The following EIF4G3 variants were observed in gnomAD, a reference collection of about 807,000 sequenced individuals.
EIF4G3 encodes the protein eIF-4-gamma 3.
A neutral mutation model predicts 186.4 loss-of-function variants in EIF4G3; 34 were observed. The observed-to-expected ratio is 0.18, with a 90% CI of 0.14 to 0.24. The LOEUF (loss-of-function observed/expected upper bound fraction) is 0.24. Among genes scored for constraint, EIF4G3 ranks in the 10% least tolerant of loss-of-function variants. The pLI is 1.00. For missense variants in EIF4G3, 1,536 were observed against 1,948.5 expected (o/e 0.79, Z 3.99); for synonymous variants, 673 against 679.5 (o/e 0.99, Z 0.15).
chr1:20,841,275 G>GT (rs1474725149), intron 29 of EIF4G3: 2 of 285,596 alleles, frequency 7.0e-6, no homozygotes, highest in Non-Finnish European at 1.3e-5. Flanking sequence ...TATCTAGTAG[G>GT]TTTTCCAGTT....
intron 3 of EIF4G3, among the ~76,000 whole-genome samples, chr1:21,054,969 A>ATTT (rs1449103104): frequency 6.6e-6 from 1 of 152,150 alleles, no homozygotes; most frequent in Admixed American, 6.5e-5. Flanking sequence ...TTTGATTATG[A>ATTT]TTTTCTTGGG....
At chr1:20,906,995 A>C (rs2092298985) in intron 14 of EIF4G3, among the ~76,000 whole-genome samples, 1 of 152,158 alleles carries the variant, frequency 6.6e-6, no homozygotes, top group Admixed American at 6.6e-5. Context: ...GAGGGAAGAC[A>C]GAGAGTGACA....
intron 29 of EIF4G3, among the ~76,000 whole-genome samples, chr1:20,841,679 TTACTA>T (rs1178821218): frequency 6.6e-6 from 1 of 152,214 alleles, no homozygotes; most frequent in East Asian, 1.9e-4. Flanking sequence ...TAACTGGTGT[TTACTA>T]TAGAGTATCC....
chr1:21,044,698 A>C (rs2093780451), intron 4 of EIF4G3, among the ~76,000 whole-genome samples: 1 of 143,994 alleles, frequency 6.9e-6, no homozygotes, highest in East Asian at 2.0e-4. Flanking sequence ...CCCAGGCTGG[A>C]GTGTAATGGT....
intron 29 of EIF4G3, among the ~76,000 whole-genome samples, chr1:20,844,883 G>A (rs1450028989): frequency 6.6e-6 from 1 of 152,080 alleles, no homozygotes; most frequent in African/African-American, 2.4e-5. Context: ...TGTCGGATGT[G>A]TATATTGCAA....
At chr1:21,024,246 G>A (rs369546473) in intron 4 of EIF4G3, among the ~76,000 whole-genome samples, 6 of 145,962 alleles carry the variant, frequency 4.1e-5, no homozygotes, top group Non-Finnish European at 6.0e-5. Context: ...CCGGCCAGCC[G>A]CCCCGTCCGG....
At chr1:21,043,543 C>G (rs2093693016) in intron 4 of EIF4G3, among the ~76,000 whole-genome samples, 1 of 152,102 alleles carries the variant, frequency 6.6e-6, no homozygotes, top group Non-Finnish European at 1.5e-5. Context: ...TATAATCAAA[C>G]ATATAAAAGC....
At chr1:20,922,311 CT>C (rs1049198555) in intron 14 of EIF4G3, among the ~76,000 whole-genome samples, 2 of 149,348 alleles carry the variant, frequency 1.3e-5, no homozygotes, top group Non-Finnish European at 3.0e-5. Context: ...AAGTCTATCT[CT>C]TTTTTTTTTG....
chr1:21,153,796 T>G (rs2097587331), intron 2 of EIF4G3, among the ~76,000 whole-genome samples: 1 of 151,976 alleles, frequency 6.6e-6, no homozygotes, highest in Admixed American at 6.6e-5. Context: ...AACTCCTGAC[T>G]TCAGGTGATC....
intron 20 of EIF4G3, among the ~76,000 whole-genome samples, chr1:20,876,082 T>C (rs1222994140): frequency 6.6e-6 from 1 of 151,120 alleles, no homozygotes; most frequent in Non-Finnish European, 1.5e-5. Context: ...AATACAAAAA[T>C]TAGCTGAGCA....
At chr1:20,928,377 T>A (rs1298964524) in intron 14 of EIF4G3, among the ~76,000 whole-genome samples, 1 of 152,160 alleles carries the variant, frequency 6.6e-6, no homozygotes, top group Admixed American at 6.6e-5. Context: ...AATCCTTATA[T>A]AGATGCTGGT....
intron 19 of EIF4G3, among the ~76,000 whole-genome samples, chr1:20,882,513 C>T (rs770979001): frequency 6.7e-6 from 1 of 148,158 alleles, no homozygotes; most frequent in African/African-American, 2.5e-5. Flanking sequence ...CCCAACTACT[C>T]GGGAGGCTGA....
chr1:21,109,542 T>A (rs1368999437), intron 2 of EIF4G3, among the ~76,000 whole-genome samples: 1 of 152,106 alleles, frequency 6.6e-6, no homozygotes, highest in African/African-American at 2.4e-5. Context: ...TAAATGAAAG[T>A]AAATAAGTAA....
chr1:21,141,557 A>G (rs2097340122), intron 2 of EIF4G3, among the ~76,000 whole-genome samples: 1 of 152,120 alleles, frequency 6.6e-6, no homozygotes, highest in Non-Finnish European at 1.5e-5. Flanking sequence ...TACATTAAGA[A>G]AGTGAAGAAA....
At chr1:20,888,699 T>C (rs1001821671) in intron 18 of EIF4G3, among the ~76,000 whole-genome samples, 5 of 152,162 alleles carry the variant, frequency 3.3e-5, no homozygotes, top group African/African-American at 7.2e-5. Flanking sequence ...ATTGTGATTA[T>C]AGGATATAAA....
chr1:20,897,717 A>G (rs144606811), intron 16 of EIF4G3, among the ~76,000 whole-genome samples: 184 of 152,176 alleles, frequency 1.2e-3, no homozygotes, highest in Non-Finnish European at 2.2e-3. Flanking sequence ...ATTTATTAAA[A>G]AGTAGACAGC....
chr1:21,030,398 T>C (rs1484199206), intron 4 of EIF4G3, among the ~76,000 whole-genome samples: 2 of 152,016 alleles, frequency 1.3e-5, no homozygotes, highest in Non-Finnish European at 2.9e-5. Flanking sequence ...GAAATGGGAG[T>C]TGCCCTACAC....
chr1:21,035,098 A>G (rs1216352226), intron 4 of EIF4G3, among the ~76,000 whole-genome samples: 1 of 151,962 alleles, frequency 6.6e-6, no homozygotes, highest in Non-Finnish European at 1.5e-5. Flanking sequence ...CCATGTCCCC[A>G]AGGAAGCCAA....
At chr1:21,114,789 G>GTGCA (rs1166318411) in intron 2 of EIF4G3, among the ~76,000 whole-genome samples, 1 of 152,148 alleles carries the variant, frequency 6.6e-6, no homozygotes, top group Non-Finnish European at 1.5e-5. Flanking sequence ...TGTTTTCAAT[G>GTGCA]TGCATGTTGG....
Sources: gnomAD v4.1 joint callset for allele counts (sites outside exome capture counted in the v4.1 genomes callset) on GRCh38, gnomAD v4.1.1 for gene constraint, MANE v1.5 for transcripts, NCBI Gene and HGNC (gene_info 2026-07-23, HGNC 2026-07-21) for gene names.